ANO4: variants seen among roughly 807,000 people sequenced by gnomAD.
ANO4 encodes the protein anoctamin-4.
Under a neutral mutation model 141.9 loss-of-function variants are expected in ANO4, and 69 were observed. That is an observed-to-expected ratio of 0.49 (90% CI 0.40 to 0.59). The LOEUF is 0.59. Among genes scored for constraint, ANO4 ranks in the 20% least tolerant of loss-of-function variants. The pLI is 0.00. For missense variants in ANO4, 894 were observed against 1,162.2 expected (o/e 0.77, Z 3.36); for synonymous variants, 350 against 394.3 (o/e 0.89, Z 1.33).
At chr12:100,939,899 CCTAT>C (rs1212663685) in intron 4 of ANO4, among the ~76,000 whole-genome samples, 3 of 152,244 alleles carry the variant, frequency 2.0e-5, no homozygotes, top group East Asian at 1.9e-4. Flanking sequence ...TGTAAATAGA[CCTAT>C]CTATTTGTGT....
intron 7 of ANO4, among the ~76,000 whole-genome samples, chr12:100,983,852 A>G (rs1242017449): frequency 2.0e-5 from 3 of 152,186 alleles, no homozygotes; most frequent in South Asian, 4.1e-4. Flanking sequence ...TTGCCATGTA[A>G]CATAACATAT....
chr12:101,042,208 C>G (rs2047435139), intron 11 of ANO4, 126 bp from the exon 12 acceptor site: 5 of 1,184,504 alleles, frequency 4.2e-6, no homozygotes. Flanking sequence ...GTTCTTTTAT[C>G]TTGGCTTACC....
chr12:101,108,862 T>G (rs1213472472), intron 22 of ANO4, among the ~76,000 whole-genome samples: 1 of 152,218 alleles, frequency 6.6e-6, no homozygotes, highest in Non-Finnish European at 1.5e-5. Flanking sequence ...CTTACATATT[T>G]ATTAAAACAA....
upstream of ANO4, among the ~76,000 whole-genome samples, chr12:100,790,645 GA>G (rs35254622): frequency 3.7e-4 from 53 of 144,296 alleles, no homozygotes; most frequent in Admixed American, 5.4e-4. Flanking sequence ...TCTATCTTCA[GA>G]AAAAAAAAAA....
At chr12:101,062,667 C>T (rs903609496) in intron 14 of ANO4, among the ~76,000 whole-genome samples, 30 of 152,318 alleles carry the variant, frequency 2.0e-4, no homozygotes, top group South Asian at 6.2e-4. Context: ...AACTTCCTGG[C>T]GGCTTTGTTT....
In ANO4 at chr12:101,079,340, C is replaced by A. The variant is rs200663053; in HGVS notation, c.1395+65C>A. 4.2e-5 allele frequency: 52 copies of A among 1,247,604 alleles called. No individual in the cohort carries two copies. In the East Asian group the frequency reaches 8.8e-4, roughly 21 times the overall value. 77.3% of individuals were successfully genotyped at this position (1,247,604 alleles called of 1,614,324 possible). On this transcript the variant is annotated intron_variant, in intron 15 of 27. Transcript: ENST00000392977. ...CACCCAGAACCACACGACCCCCCCC[C>A]AAAATTGTCACTCTCTGTTCTGTGA... is the stretch of plus-strand genomic sequence containing the variant.
chr12:100,839,308 G>A (rs1224321371), intron 1 of ANO4, among the ~76,000 whole-genome samples: 1 of 152,124 alleles, frequency 6.6e-6, no homozygotes, highest in Non-Finnish European at 1.5e-5. Context: ...CCTCCCTCTT[G>A]ATGGCAGAGA....
chr12:101,039,854 C>A, intron 10 of ANO4, 101 bp from the exon 11 acceptor site: 2 of 1,322,778 alleles, frequency 1.5e-6, no homozygotes, highest in Non-Finnish European at 2.1e-6. Context: ...TCTCATACCA[C>A]TCCTATCACA....
At chr12:101,087,996 T>C (rs1319040660) in intron 17 of ANO4, among the ~76,000 whole-genome samples, 1 of 152,204 alleles carries the variant, frequency 6.6e-6, no homozygotes, top group East Asian at 1.9e-4. Context: ...CAGAGAGAGC[T>C]TCTTACATGT....
rs557127053 is a variant in ANO4 at position 100,779,871 on chromosome 12, C to T, written c.358+39766C>T. Among the ~76,000 whole-genome samples the T allele has an allele frequency of 2.6e-5, 4 of 152,148 alleles. No homozygotes were observed. The South Asian group carries it at 6.2e-4, about 24-fold the overall frequency. On this transcript the variant is annotated intron_variant, in intron 3 of 29. Transcript: ENST00000644049. The stretch of plus-strand genomic sequence containing the variant: ...TTTATATCAGTGATCAATGTCATTG[C>T]GAATTGTTTGGTATCCTTGATAGGG...
intron 3 of ANO4, among the ~76,000 whole-genome samples, chr12:100,753,137 C>T (rs1212157497): frequency 6.6e-6 from 1 of 152,180 alleles, no homozygotes; most frequent in Non-Finnish European, 1.5e-5. Context: ...CATGCAAGCA[C>T]TCCAAGCTTC....
Position 100,977,345 on chromosome 12 carries a change from A to G in ANO4, c.602+2456A>G, listed in dbSNP as rs530315504. 3.4e-4 allele frequency among the ~76,000 whole-genome samples: 52 copies of G among 152,102 alleles called. 1 individual carries two copies. The Middle Eastern group carries it at 0.014, about 40-fold the overall frequency. The stretch of plus-strand genomic sequence containing the variant: ...CCAAGTAGTCATTTTCTCCATTTAT[A>G]TTCTCTATACAGGCATTGGCTCTAC... On this transcript the variant is annotated intron_variant, in intron 7 of 27. Coordinates refer to ENST00000392977, the MANE Select transcript of ANO4 (RefSeq NM_001286615.2).
chr12:100,955,466 C>T (rs1015199305), intron 5 of ANO4, among the ~76,000 whole-genome samples: 1 of 152,118 alleles, frequency 6.6e-6, no homozygotes, highest in African/African-American at 2.4e-5. Context: ...TAAAAGTGAA[C>T]TTTTACGACC....
At chr12:101,041,938 A>G (rs1180167675) in intron 11 of ANO4, among the ~76,000 whole-genome samples, 2 of 152,138 alleles carry the variant, frequency 1.3e-5, no homozygotes, top group Non-Finnish European at 2.9e-5. Context: ...GACAGTTCCT[A>G]TCCTATAGGT....
chr12:100,739,727 T>C, intron 2 of ANO4: 2 of 633,314 alleles, frequency 3.2e-6, no homozygotes, highest in Non-Finnish European at 5.8e-6. Flanking sequence ...CTGTTTATTA[T>C]GAACATGCAT....
At chr12:100,930,490 A>G (rs553996999) in intron 3 of ANO4, among the ~76,000 whole-genome samples, 2 of 152,216 alleles carry the variant, frequency 1.3e-5, no homozygotes, top group South Asian at 2.1e-4. Flanking sequence ...TGAATTTACT[A>G]TAGATGTATG....
intron 14 of ANO4, among the ~76,000 whole-genome samples, chr12:101,075,873 G>C (rs1593202573): frequency 6.6e-6 from 1 of 151,978 alleles, no homozygotes; most frequent in African/African-American, 2.4e-5. Context: ...ATTCAGAGGA[G>C]GGAGTTTAAA....
chr12:100,931,034 CTTTA>C (rs2042070997), intron 3 of ANO4, among the ~76,000 whole-genome samples: 2 of 152,116 alleles, frequency 1.3e-5, no homozygotes, highest in South Asian at 4.2e-4. Context: ...TTTCTAATTG[CTTTA>C]TTTATTTATT....
chr12:100,955,386 G>T (rs1051949271), intron 5 of ANO4, among the ~76,000 whole-genome samples: 3 of 152,178 alleles, frequency 2.0e-5, no homozygotes, highest in African/African-American at 4.8e-5. Context: ...CAGGGTTGTG[G>T]GCTGTGGGCC....
Sources: gnomAD v4.1 joint callset for allele counts (sites outside exome capture counted in the v4.1 genomes callset) on GRCh38, gnomAD v4.1.1 for gene constraint, MANE v1.5 for transcripts, NCBI Gene and HGNC (gene_info 2026-07-23, HGNC 2026-07-21) for gene names.